The following NAV3 variants were observed in gnomAD, a reference collection of about 807,000 sequenced individuals.
The protein encoded by NAV3 is neuron navigator 3.
Under a neutral mutation model 244.7 loss-of-function variants are expected in NAV3, and 87 were observed. That is an observed-to-expected ratio of 0.36 (90% CI 0.30 to 0.42). The LOEUF is 0.42. Ranked by LOEUF, NAV3 falls within the 20% of genes least tolerant of loss-of-function variation. The pLI, the probability that NAV3 is intolerant of heterozygous loss-of-function variation, is 1.00. For missense variants in NAV3, 2,663 were observed against 2,893.3 expected, an observed-to-expected ratio of 0.92 and a Z score of 1.83; for synonymous variants, 1,126 against 1,042.2, an observed-to-expected ratio of 1.08 and a Z score of -1.55.
chr12:78,034,175 T>A (rs1287467540), intron 9 of NAV3, among the ~76,000 whole-genome samples: 1 of 152,186 alleles, frequency 6.6e-6, no homozygotes, highest in African/African-American at 2.4e-5. Flanking sequence ...GGGGGTGGTT[T>A]ATCATTGTAG....
intron 3 of NAV3, among the ~76,000 whole-genome samples, chr12:77,960,448 T>TACACACAC (rs745583068): frequency 0.16 from 13,397 of 86,342 alleles, 757 homozygotes; most frequent in Admixed American, 0.21. Flanking sequence ...TATATATATA[T>TACACACAC]ATACACACAC....
chr12:77,927,422 CAG>C (rs1888328412), intron 1 of NAV3, among the ~76,000 whole-genome samples: 2 of 152,188 alleles, frequency 1.3e-5, no homozygotes, highest in Admixed American at 1.3e-4. Flanking sequence ...AATCTTGAGA[CAG>C]AAAGTATGGG....
intron 2 of NAV3, among the ~76,000 whole-genome samples, chr12:77,772,226 C>T (rs531842154): frequency 5.3e-5 from 8 of 152,118 alleles, no homozygotes; most frequent in Non-Finnish European, 7.3e-5. Flanking sequence ...TGGCTGATTT[C>T]TATGGCACAC....
chr12:77,888,382 C>T (rs1592903893), intron 1 of NAV3, among the ~76,000 whole-genome samples: 1 of 152,158 alleles, frequency 6.6e-6, no homozygotes, highest in African/African-American at 2.4e-5. Context: ...GAGGTTGAAG[C>T]AGGAGGATTG....
In NAV3 at chr12:78,202,302, C is replaced by T. The variant is rs183849653; in HGVS notation, c.6834+1711C>T. Among the ~76,000 whole-genome samples, 587 of 152,034 alleles carry T rather than the reference C, an allele frequency of 3.9e-3. 2 individuals are homozygous for T. The highest frequency in any genetic ancestry group is 0.013 in the African/African-American group (519 of 41,512). ...AATATTTCGATACATTATTTGTTCT[C>T]TAGCTATGGTTTTGGTTTTAATAAA... On this transcript the variant is annotated intron_variant, in intron 38 of 39. Coordinates refer to ENST00000397909, the MANE Select transcript of NAV3 (RefSeq NM_001024383.2).
At chr12:78,147,426 A>G (rs1013518630) in intron 21 of NAV3, among the ~76,000 whole-genome samples, 3 of 152,008 alleles carry the variant, frequency 2.0e-5, no homozygotes, top group Admixed American at 6.6e-5. Context: ...ATCACTTTAC[A>G]GTTTCCTGGA....
At chr12:77,854,943 C>T (rs989335897) in intron 1 of NAV3, among the ~76,000 whole-genome samples, 2 of 151,942 alleles carry the variant, frequency 1.3e-5, no homozygotes, top group Admixed American at 1.3e-4. Context: ...CTGGCTAACA[C>T]GATGAAACCC....
At chr12:77,892,124 T>C (rs1161926929) in intron 1 of NAV3, among the ~76,000 whole-genome samples, 1 of 152,234 alleles carries the variant, frequency 6.6e-6, no homozygotes, top group South Asian at 2.1e-4. Flanking sequence ...TCTGTGGAAA[T>C]AATTCAAACT....
chr12:77,689,291 G>A lies in NAV3; in HGVS notation c.72+117025G>A, dbSNP rs140640154. On this transcript the variant is annotated intron_variant, in intron 2 of 8. Coordinates refer to the NAV3 transcript ENST00000550042. ...ATATGCCAGTGTTCAAGTCAAAGTA[G>A]CACTAAAATCACTGAATGAATCAAG... 1.9e-3 allele frequency among the ~76,000 whole-genome samples: 287 copies of A among 152,032 alleles called. 2 individuals carry two copies. Among genetic ancestry groups the A allele is most frequent in the African/African-American group, 6.4e-3 (264 of 41,552 alleles).
intron 2 of NAV3, among the ~76,000 whole-genome samples, chr12:77,581,334 T>C (rs76184163): frequency 0.024 from 3,640 of 152,246 alleles, 114 homozygotes; most frequent in African/African-American, 0.083. Context: ...ATTAAACAAA[T>C]AAAAAGAAAT....
At chr12:78,177,571 T>A (rs1465478327) in intron 27 of NAV3, 49 bp from the exon 28 acceptor site, 8 of 1,523,386 alleles carry the variant, frequency 5.3e-6, no homozygotes, top group African/African-American at 1.4e-5. Flanking sequence ...TTCTCACTTC[T>A]TTTCATGGGC....
At chr12:77,591,645 T>C (rs901726437) in intron 2 of NAV3, among the ~76,000 whole-genome samples, 2 of 152,206 alleles carry the variant, frequency 1.3e-5, no homozygotes, top group Non-Finnish European at 2.9e-5. Context: ...TTCAAAACCA[T>C]TTAAACATAT....
intron 2 of NAV3, among the ~76,000 whole-genome samples, chr12:77,779,253 T>C (rs569648225): frequency 6.6e-6 from 1 of 152,320 alleles, no homozygotes; most frequent in South Asian, 2.1e-4. Context: ...ATCAAAATTT[T>C]GGCTTCTGCA....
At chr12:77,686,032 T>C (rs1034747844) in intron 2 of NAV3, among the ~76,000 whole-genome samples, 46 of 152,218 alleles carry the variant, frequency 3.0e-4, no homozygotes, top group African/African-American at 1.1e-3. Flanking sequence ...TGGATGGATT[T>C]GACTCTCTAG....
chr12:77,989,342 G>A (rs925013873), intron 5 of NAV3, among the ~76,000 whole-genome samples: 2 of 152,112 alleles, frequency 1.3e-5, no homozygotes, highest in African/African-American at 4.8e-5. Flanking sequence ...ACATACATAC[G>A]TGTGTACAGT....
intron 2 of NAV3, among the ~76,000 whole-genome samples, chr12:77,584,580 T>C (rs1031471834): frequency 5.3e-5 from 8 of 152,172 alleles, no homozygotes; most frequent in African/African-American, 1.9e-4. Context: ...CAAAGCAGCC[T>C]CCTGCATTTT....
intron 23 of NAV3, among the ~76,000 whole-genome samples, chr12:78,165,062 T>C (rs1957721594): frequency 6.6e-6 from 1 of 152,088 alleles, no homozygotes. Context: ...TAGCCTCAGA[T>C]ACATGCATAA....
intron 2 of NAV3, among the ~76,000 whole-genome samples, chr12:77,821,024 C>T (rs1872720311): frequency 6.6e-6 from 1 of 151,874 alleles, no homozygotes; most frequent in Non-Finnish European, 1.5e-5. Flanking sequence ...CAATATTCCT[C>T]TCTCTCTTTC....
At position 78,116,640 on chromosome 12, in the gene NAV3, T is replaced by G. The variant is rs944476383; in HGVS notation, c.2637-132T>G. ...AATATGATTTTCCCAAAATGTGAAA[T>G]AAGTGACTTTTCATAAGATATTTTT... On this transcript the variant is annotated intron_variant, in intron 12 of 39. Transcript: ENST00000397909. The G allele has an allele frequency of 7.0e-6, 7 of 1,001,562 alleles. No individual in the cohort carries two copies. The Admixed American group carries it at 1.3e-4, about 18-fold the overall frequency. 62.0% of individuals were successfully genotyped at this position (1,001,562 alleles called of 1,614,324 possible).
Sources: allele counts gnomAD v4.1 joint callset (sites outside exome capture counted in the v4.1 genomes callset), GRCh38; gene constraint gnomAD v4.1.1; transcripts MANE v1.5; gene names NCBI Gene and HGNC (gene_info 2026-07-23, HGNC 2026-07-21).